Variants in SLC13A5 observed in about 807,000 individuals in gnomAD.
SLC13A5 encodes solute carrier family 13 member 5, also known as Na(+)/citrate cotransporter.
Under a neutral mutation model 56.5 loss-of-function variants are expected in SLC13A5, and 25 were observed. That is an observed-to-expected ratio of 0.44 (90% CI 0.32 to 0.62). The LOEUF is 0.62. Ranked by LOEUF, SLC13A5 falls within the 20% of genes least tolerant of loss-of-function variation. The pLI, the probability that SLC13A5 is intolerant of heterozygous loss-of-function variation, is 0.04. For missense variants in SLC13A5, 649 were observed against 737.8 expected (o/e 0.88, Z 1.39); for synonymous variants, 307 against 301.5 (o/e 1.02, Z -0.19).
intron 3 of SLC13A5, 199 bp from the exon 4 acceptor site, chr17:6,704,255 C>T: frequency 1.4e-6 from 1 of 700,852 alleles, no homozygotes; most frequent in East Asian, 2.7e-5. Flanking sequence ...TCCTCCATTC[C>T]TCTCTCCCTC....
At position 6,686,309 on chromosome 17, in the gene SLC13A5, A is replaced by G; in HGVS notation, c.1605T>C (p.Ile535=). ...CAGCCAAAAACACACAGAAGACTCC[A>G]ATTATGTTCATTATGACTCCTGTTT... The part of the protein sequence containing the change: ...MVKTGVIMNI[I]GVFCVFLAVN... The change falls in exon 12 of 12, where the codon ATT becomes ATC. Residue 535 remains isoleucine (I), a synonymous_variant. Coordinates refer to ENST00000433363, the MANE Select transcript of SLC13A5 (RefSeq NM_177550.5). 7 of 1,614,066 alleles carry G rather than the reference A, an allele frequency of 4.3e-6. No homozygotes were observed. The highest frequency in any genetic ancestry group is 5.9e-6 in the Non-Finnish European group (7 of 1,180,000).
Position 6,692,687 on chromosome 17 carries a change from T to C in SLC13A5, c.1275+357A>G, listed in dbSNP as rs1033340281. On this transcript the variant is annotated intron_variant, in intron 9 of 11. Transcript: ENST00000433363. The surrounding 1 kb of genome is among the most constrained non-coding windows in gnomAD (Gnocchi z 5.5). ...TAGCCAGTAGAAGGACCAAAAGTAG[T>C]AGCAAACAATATTGACAAGGATTGG... Among the ~76,000 whole-genome samples, 1 of 152,232 alleles carries C rather than the reference T, an allele frequency of 6.6e-6. No individual in the cohort carries two copies. The highest frequency in any genetic ancestry group is 1.5e-5 in the Non-Finnish European group (1 of 68,038).
At chr17:6,709,708 A>C (rs1042726298) in intron 1 of SLC13A5, among the ~76,000 whole-genome samples, 2 of 152,226 alleles carry the variant, frequency 1.3e-5, no homozygotes, top group Non-Finnish European at 1.5e-5. Flanking sequence ...TGCACAAAAC[A>C]GTGCAGGAAG....
chr17:6,695,513 C>A (rs915696241), intron 7 of SLC13A5: 13 of 496,864 alleles, frequency 2.6e-5, no homozygotes, highest in Non-Finnish European at 1.1e-5. Flanking sequence ...CCTCAGTCTC[C>A]CAAGTAGCTG....
At chr17:6,693,271 G>C (rs962150565) in intron 8 of SLC13A5, 109 bp from the exon 9 acceptor site, 5 of 719,768 alleles carry the variant, frequency 6.9e-6, no homozygotes, top group Non-Finnish European at 8.9e-6. Flanking sequence ...AATCAAGGGG[G>C]AATAAAGCTA....
intron 4 of SLC13A5, 118 bp downstream of exon 4, chr17:6,703,760 G>T (rs77568935): frequency 4.8e-6 from 5 of 1,041,070 alleles, no homozygotes; most frequent in South Asian, 1.9e-5. Context: ...TTCTCTATGC[G>T]TGTTTAAAGG....
At chr17:6,708,993 C>CTTTTTTTTTTTT (rs575087645) in intron 1 of SLC13A5, among the ~76,000 whole-genome samples, 5 of 133,034 alleles carry the variant, frequency 3.8e-5, no homozygotes, top group African/African-American at 5.5e-5. Context: ...TCTTTTATTT[C>CTTTTTTTTTTTT]TTTTTTTTTT....
chr17:6,706,457 G>A (rs1353634885), intron 3 of SLC13A5, among the ~76,000 whole-genome samples, 185 bp downstream of exon 3: 1 of 152,146 alleles, frequency 6.6e-6, no homozygotes, highest in Admixed American at 6.5e-5. Flanking sequence ...TGCTCACCAT[G>A]TGCCACCACC....
chr17:6,699,028 G>A (rs1436782381), intron 6 of SLC13A5, among the ~76,000 whole-genome samples: 3 of 148,230 alleles, frequency 2.0e-5, no homozygotes, highest in Non-Finnish European at 4.5e-5. Context: ...GGGTGACAGA[G>A]CAAGACACTG....
Position 6,684,914 on chromosome 17 carries a change from A to G in SLC13A5, c.*1293T>C, listed in dbSNP as rs1375466222. 6.6e-6 allele frequency: 1 copy of G among 152,220 alleles called. No individual in the cohort carries two copies. The highest frequency in any genetic ancestry group is 1.5e-5 in the Non-Finnish European group (1 of 68,030). 9.4% of individuals were successfully genotyped at this position (152,220 alleles called of 1,614,324 possible). On this transcript the variant is annotated 3_prime_UTR_variant, in exon 12 of 12. Coordinates refer to ENST00000433363, the MANE Select transcript of SLC13A5 (RefSeq NM_177550.5). Reference sequence around the variant, plus strand: ...GCCTCTCTTCCAGAGCAGCACAAGAAGGAAATAAAATGGACTTGCGGGGGA... The same window carrying G: ...GCCTCTCTTCCAGAGCAGCACAAGAGGGAAATAAAATGGACTTGCGGGGGA...
rs772533185 is a variant in SLC13A5, at chr17:6,686,174, G to A, written c.*33C>T. Reference sequence around the variant, plus strand: ...AGAAGGTTCGGTAGTCCTGAGGAGGGTAAGGGCTGTGTGTGTGGTCTTGTG... The same window carrying A: ...AGAAGGTTCGGTAGTCCTGAGGAGGATAAGGGCTGTGTGTGTGGTCTTGTG... On this transcript the variant is annotated 3_prime_UTR_variant, in exon 12 of 12. Coordinates refer to ENST00000433363, the MANE Select transcript of SLC13A5 (RefSeq NM_177550.5). The A allele has an allele frequency of 9.3e-6, 15 of 1,613,630 alleles. No homozygotes were observed. In the South Asian group the frequency reaches 1.4e-4, roughly 15 times the overall value.
chr17:6,703,152 A>C lies in SLC13A5; in HGVS notation c.548-14T>G. ...TCACTTGACTCCCTGTGGTGGGCAC[A>C]GCGCTGTTAGCTGAGCCAGTCATGG... On this transcript the variant is annotated splice_polypyrimidine_tract_variant and intron_variant, in intron 4 of 11. Transcript: ENST00000433363. 6.2e-7 allele frequency: 1 copy of C among 1,613,638 alleles called. No homozygotes were observed. Among genetic ancestry groups the C allele is most frequent in the Non-Finnish European group, 8.5e-7 (1 of 1,179,886 alleles).
chr17:6,702,912 G>A, intron 5 of SLC13A5, 58 bp downstream of exon 5: 1 of 1,580,484 alleles, frequency 6.3e-7, no homozygotes, highest in South Asian at 1.2e-5. Context: ...AGGTGGGCAG[G>A]TCCCTCCAGC....
intron 1 of SLC13A5, among the ~76,000 whole-genome samples, chr17:6,710,375 G>C (rs907794465): frequency 6.6e-6 from 1 of 152,174 alleles, no homozygotes; most frequent in African/African-American, 2.4e-5. Flanking sequence ...CTTGTTTCAT[G>C]TCTTCATCTG....
chr17:6,698,532 A>G (rs1264962855), intron 6 of SLC13A5, among the ~76,000 whole-genome samples: 1 of 152,178 alleles, frequency 6.6e-6, no homozygotes, highest in African/African-American at 2.4e-5. Flanking sequence ...GTCTGGAGGC[A>G]ACTAAGGACA....
rs563029496 is a variant in SLC13A5, at chr17:6,699,369, C to G, written c.839+1635G>C. ...GGCCAGGCAGCCATGCAAACAGTTTCCCCTGCCCCGTCCATGGGCAGGACA... is the reference window on the plus strand; with the variant it reads ...GGCCAGGCAGCCATGCAAACAGTTTGCCCTGCCCCGTCCATGGGCAGGACA... On this transcript the variant is annotated intron_variant, in intron 6 of 11. Transcript: ENST00000433363. 3.3e-5 allele frequency among the ~76,000 whole-genome samples: 5 copies of G among 152,278 alleles called. No individual in the cohort carries two copies. In the South Asian group the frequency reaches 1.0e-3, roughly 32 times the overall value.
chr17:6,687,497 C>A lies in SLC13A5; in HGVS notation c.1575+32G>T. 1 of 1,612,828 alleles carries A rather than the reference C, an allele frequency of 6.2e-7. No individual in the cohort carries two copies. The highest frequency in any genetic ancestry group is 8.5e-7 in the Non-Finnish European group (1 of 1,179,540). Reference sequence around the variant, plus strand: ...TCCCTTATGACAACAGCGTTATAGTCCGACGGGAGTAAATAAAAACAGCTG... The same window carrying A: ...TCCCTTATGACAACAGCGTTATAGTACGACGGGAGTAAATAAAAACAGCTG... On this transcript the variant is annotated intron_variant, in intron 11 of 11. Coordinates refer to ENST00000433363, the MANE Select transcript of SLC13A5 (RefSeq NM_177550.5). The surrounding 1 kb of genome is among the most constrained non-coding windows in gnomAD (Gnocchi z 5.0).
At chr17:6,691,816 C>G (rs1973413347) in intron 9 of SLC13A5, among the ~76,000 whole-genome samples, 1 of 152,140 alleles carries the variant, frequency 6.6e-6, no homozygotes, top group Admixed American at 6.5e-5. Flanking sequence ...CAACTCACCC[C>G]CTGGCCTCAG....
chr17:6,694,020 C>T, intron 8 of SLC13A5, 77 bp downstream of exon 8: 1 of 914,768 alleles, frequency 1.1e-6, no homozygotes, highest in Non-Finnish European at 1.7e-6. Flanking sequence ...CCCTCTAGGG[C>T]CCAAGGCATC....
Sources: gnomAD v4.1 joint callset for allele counts (sites outside exome capture counted in the v4.1 genomes callset) on GRCh38, gnomAD v4.1.1 for gene constraint, Gnocchi (gnomAD v3.1) non-coding constraint, MANE v1.5 for transcripts, NCBI Gene and HGNC (gene_info 2026-07-23, HGNC 2026-07-21) for gene names.